Variants in DYNC2H1 observed in about 807,000 individuals in gnomAD.
DYNC2H1 encodes dynein cytoplasmic 2 heavy chain 1.
A neutral mutation model predicts 570.0 loss-of-function variants in DYNC2H1; 410 were observed. That is an observed-to-expected ratio of 0.72 (90% CI 0.66 to 0.78). The LOEUF (loss-of-function observed/expected upper bound fraction) is 0.78. Among genes scored for constraint, DYNC2H1 ranks in the 30% least tolerant of loss-of-function variants. DYNC2H1 has a pLI of 0.00. For synonymous variants in DYNC2H1, 1,688 were observed against 1,677.6 expected (o/e 1.01, Z -0.15); for missense variants, 4,865 against 5,046.4 (o/e 0.96, Z 1.09).
intron 59 of DYNC2H1, among the ~76,000 whole-genome samples, chr11:103,223,577 T>G (rs61896686): frequency 0.81 from 114,734 of 142,160 alleles, 44,047 homozygotes; most frequent in Admixed American, 0.86. Flanking sequence ...TAGTAGAGAC[T>G]AAAATAACAT....
At position 103,256,544 on chromosome 11, in the gene DYNC2H1, A is replaced by G. The variant is rs1486376140; in HGVS notation, c.10461+304A>G. Among the ~76,000 whole-genome samples, 3 of 152,212 alleles carry G rather than the reference A, an allele frequency of 2.0e-5. No homozygotes were observed. The highest frequency in any genetic ancestry group is 1.3e-4 in the Admixed American group (2 of 15,282). ...ATTGGAAATGAGTATATTGAAAATG[A>G]GTATTAGAGAATATCTTTGCCGTTC... On this transcript the variant is annotated intron_variant, in intron 68 of 88. Transcript: ENST00000375735. The surrounding 1 kb of genome is among the most constrained non-coding windows in gnomAD (Gnocchi z 4.0).
In DYNC2H1 at chr11:103,303,144, A is replaced by T; in HGVS notation, c.11147A>T (p.Glu3716Val). 6.2e-7 allele frequency: 1 copy of T among 1,611,374 alleles called. No individual in the cohort carries two copies. The highest frequency in any genetic ancestry group is 1.1e-5 in the South Asian group (1 of 90,738). ...LPLNLKRLYK[E>V]TLEIEPILII... is the part of the protein sequence containing the mutation. ...CTAAATCTCAAACGTTTATACAAAG[A>T]GACACTGGAAATTGAACCCATCTTG... is the stretch of plus-strand genomic sequence containing the variant. The change falls in exon 76 of 89, where the codon GAG becomes GTG. Residue 3716 changes from glutamate to valine, a missense_variant. Physicochemically the swap from Glu to Val is moderately radical, Grantham distance 121. Coordinates refer to ENST00000375735, the MANE Select transcript of DYNC2H1 (RefSeq NM_001377.3).
At chr11:103,442,355 T>C (rs1223870207) in intron 85 of DYNC2H1, among the ~76,000 whole-genome samples, 1 of 152,128 alleles carries the variant, frequency 6.6e-6, no homozygotes, top group African/African-American at 2.4e-5. Flanking sequence ...AAGATTAATA[T>C]ATGGCCAAGC....
At position 103,135,829 on chromosome 11, in the gene DYNC2H1, G is replaced by A; in HGVS notation, c.2455G>A (p.Ala819Thr). The A allele has an allele frequency of 1.2e-6, 2 of 1,613,190 alleles. No individual in the cohort carries two copies. Among genetic ancestry groups the A allele is most frequent in the Non-Finnish European group, 1.7e-6 (2 of 1,179,558 alleles). Residue 819 changes from alanine (A) to threonine (T), a missense_variant, in exon 17 of 89, where the codon GCA becomes ACA. Ala to Thr is a moderately conservative substitution (Grantham distance 58). This residue lies in a region of DYNC2H1 where 1,936 missense variants were observed against 1,962.1 expected (regional missense o/e 0.99). Coordinates refer to ENST00000375735, the MANE Select transcript of DYNC2H1 (RefSeq NM_001377.3). The stretch of plus-strand genomic sequence containing the variant: ...AAATCAGTTTAAGGGAGTGGGTGAG[G>A]CAGGAGATGAATCTATTTTTTCTAT... ...IPNQFKGVGE[A>T]GDESIFSIMI...
rs1179440633 is a variant in DYNC2H1, at chr11:103,215,772, AG to A, written c.8747del (p.Arg2916LysfsTer23). ...EAKALVDELN[R>X]KAGEQSVLLK... is the part of the protein sequence containing the mutation. Reference sequence around the variant, plus strand: ...TAAAGCTCTTGTGGATGAACTGAACAGAAAAGCTGGAGAACAAAGTGTGTTA... The same window carrying A: ...TAAAGCTCTTGTGGATGAACTGAACAAAAAGCTGGAGAACAAAGTGTGTTA... On this transcript the variant is annotated frameshift_variant, in exon 55 of 89. Transcript: ENST00000375735. LOFTEE classifies it high-confidence loss of function. 6.2e-7 allele frequency: 1 copy of A among 1,612,072 alleles called. No homozygotes were observed. Among genetic ancestry groups the A allele is most frequent in the South Asian group, 1.1e-5 (1 of 90,720 alleles).
intron 83 of DYNC2H1, among the ~76,000 whole-genome samples, chr11:103,385,324 G>C (rs940531266): frequency 1.3e-5 from 2 of 151,788 alleles, no homozygotes; most frequent in African/African-American, 4.8e-5. Context: ...TTCTCTCTCT[G>C]TTCATCATGT....
chr11:103,391,191 C>T (rs1565555122), intron 83 of DYNC2H1, among the ~76,000 whole-genome samples: 3 of 152,114 alleles, frequency 2.0e-5, no homozygotes, highest in Non-Finnish European at 4.4e-5. Context: ...AGGCTTTGTT[C>T]ATTTCTTTTT....
intron 83 of DYNC2H1, among the ~76,000 whole-genome samples, chr11:103,388,891 T>C (rs1386865269): frequency 1.3e-5 from 2 of 152,232 alleles, no homozygotes; most frequent in African/African-American, 4.8e-5. Context: ...GATGTGCTGC[T>C]GGATTTGGTT....
chr11:103,377,232 C>G (rs567920810), intron 83 of DYNC2H1, among the ~76,000 whole-genome samples: 1 of 152,180 alleles, frequency 6.6e-6, no homozygotes, highest in Non-Finnish European at 1.5e-5. Context: ...CTCCCTCTTG[C>G]ACTCATGTAG....
chr11:103,324,195 CA>C lies in DYNC2H1; in HGVS notation c.12039+206del, dbSNP rs1246044615. 2.0e-5 allele frequency among the ~76,000 whole-genome samples: 3 copies of C among 151,954 alleles called. No individual in the cohort carries two copies. The highest frequency in any genetic ancestry group is 3.8e-4 in the East Asian group (2 of 5,202). On this transcript the variant is annotated intron_variant, in intron 82 of 88. Coordinates refer to ENST00000375735, the MANE Select transcript of DYNC2H1 (RefSeq NM_001377.3). The surrounding 1 kb of genome is among the most constrained non-coding windows in gnomAD (Gnocchi z 5.2). ...TCTTTTTAAACTTTTATTTTAGACTCAGGGGAAATGTGCAGATTTGTTACAT... is the reference window on the plus strand; with the variant it reads ...TCTTTTTAAACTTTTATTTTAGACTCGGGGAAATGTGCAGATTTGTTACAT...
At chr11:103,444,900 C>T (rs1944375616) in intron 85 of DYNC2H1, among the ~76,000 whole-genome samples, 1 of 152,008 alleles carries the variant, frequency 6.6e-6, no homozygotes, top group African/African-American at 2.4e-5. Flanking sequence ...TCCATGTAGG[C>T]TTGGTAAGAA....
At chr11:103,404,325 G>T (rs550526893) in intron 84 of DYNC2H1, 1 of 151,566 alleles carries the variant, frequency 6.6e-6, no homozygotes, top group South Asian at 2.1e-4. Context: ...TTTCATGCAG[G>T]TTGGTTCTTC....
Position 103,257,750 on chromosome 11 carries a change from A to G in DYNC2H1, c.10604A>G (p.Gln3535Arg). ...TTCCAACGAGCTCTACAAAACAAAC[A>G]GGTAAGCTGTTGGATACCCTGTACC... ...RLFQRALQNKQDSENTEQRIQ... is the reference protein window; with the variant it reads ...RLFQRALQNKRDSENTEQRIQ... Residue 3535 changes from glutamine (Q) to arginine (R), a missense_variant and splice_region_variant, in exon 69 of 89, where the codon CAG becomes CGG. By Grantham distance (43) the Gln-to-Arg change is conservative. Transcript: ENST00000375735. The G allele has an allele frequency of 1.3e-6, 2 of 1,586,492 alleles. No homozygotes were observed. Among genetic ancestry groups the G allele is most frequent in the Non-Finnish European group, 1.7e-6 (2 of 1,165,654 alleles).
At chr11:103,298,414 G>C (rs1218638475) in intron 75 of DYNC2H1, among the ~76,000 whole-genome samples, 2 of 151,770 alleles carry the variant, frequency 1.3e-5, no homozygotes, top group African/African-American at 4.8e-5. Flanking sequence ...TGATTTTATA[G>C]TTTAACTCCC....
At chr11:103,389,547 A>G (rs1036426884) in intron 83 of DYNC2H1, among the ~76,000 whole-genome samples, 4 of 152,010 alleles carry the variant, frequency 2.6e-5, no homozygotes, top group African/African-American at 9.7e-5. Context: ...TAGCTGTTGA[A>G]TGTGTTTGCT....
intron 87 of DYNC2H1, among the ~76,000 whole-genome samples, chr11:103,466,878 CA>C (rs1219438286): frequency 6.6e-6 from 1 of 152,120 alleles, no homozygotes; most frequent in Non-Finnish European, 1.5e-5. Flanking sequence ...AGATTGACCA[CA>C]CCTTCAACCT....
intron 17 of DYNC2H1, among the ~76,000 whole-genome samples, chr11:103,140,781 A>G (rs1275044276): frequency 6.6e-6 from 1 of 152,174 alleles, no homozygotes; most frequent in African/African-American, 2.4e-5. Context: ...GTTCTCCTGG[A>G]TAATATCCTG....
chr11:103,463,370 T>A (rs1196300249), intron 87 of DYNC2H1, among the ~76,000 whole-genome samples: 1 of 152,206 alleles, frequency 6.6e-6, no homozygotes, highest in Admixed American at 6.5e-5. Context: ...TGCTAAATGT[T>A]ACATAGGACT....
intron 88 of DYNC2H1, among the ~76,000 whole-genome samples, chr11:103,474,633 G>T (rs1344631747): frequency 1.3e-5 from 2 of 151,948 alleles, no homozygotes; most frequent in East Asian, 3.9e-4. Context: ...AGTACAATAG[G>T]TATTTTGAGA....
Sources: gnomAD v4.1 joint callset for allele counts (sites outside exome capture counted in the v4.1 genomes callset) on GRCh38, gnomAD v4.1.1 for gene constraint, gnomAD v4.1.1 regional missense constraint, Gnocchi (gnomAD v3.1) non-coding constraint, MANE v1.5 for transcripts, NCBI Gene and HGNC (gene_info 2026-07-23, HGNC 2026-07-21) for gene names.